The following CSTF3 variants were observed in gnomAD, a reference collection of about 807,000 sequenced individuals.
CSTF3 encodes the protein cleavage stimulation factor subunit 3, also known as CF-1 77 kDa subunit.
CSTF3 carries 29 observed loss-of-function variants against 105.8 expected under a neutral mutation model. The ratio of observed to expected loss-of-function variants is 0.27; its 90% CI spans 0.20 to 0.37. The LOEUF (loss-of-function observed/expected upper bound fraction) is 0.37, where lower values mean the gene tolerates loss of function less well. Among genes scored for constraint, CSTF3 ranks in the 10% least tolerant of loss-of-function variants. The probability of loss-of-function intolerance (pLI) is 1.00; values close to 1 mark genes in which losing one functional copy is unlikely to be tolerated. For synonymous variants in CSTF3, 252 were observed against 281.9 expected, an observed-to-expected ratio of 0.89 and a Z score of 1.06; for missense variants, 357 against 879.3, an observed-to-expected ratio of 0.41 and a Z score of 7.51.
intron 1 of CSTF3, among the ~76,000 whole-genome samples, chr11:33,149,249 G>A (rs1257144478): frequency 6.6e-6 from 1 of 152,104 alleles, no homozygotes; most frequent in Non-Finnish European, 1.5e-5. Flanking sequence ...ATCACTAAAT[G>A]TTTTTTTCTG....
chr11:33,087,392 C>G (rs910996012), intron 17 of CSTF3, among the ~76,000 whole-genome samples: 1 of 152,146 alleles, frequency 6.6e-6, no homozygotes, highest in Non-Finnish European at 1.5e-5. Flanking sequence ...TGTTGCCAGG[C>G]AGGACATTTG....
At position 33,102,291 on chromosome 11, in the gene CSTF3, G is replaced by A. The variant is rs775992303; in HGVS notation, c.712C>T (p.Pro238Ser). The A allele has an allele frequency of 6.2e-7, 1 of 1,613,954 alleles. No homozygotes were observed. Among genetic ancestry groups the A allele is most frequent in the East Asian group, 2.2e-5 (1 of 44,874 alleles). The change falls in exon 10 of 21, where the codon CCT becomes TCT. Residue 238 changes from proline to serine, a missense_variant. By Grantham distance (74) the Pro-to-Ser change is moderately conservative. Coordinates refer to ENST00000323959, the MANE Select transcript of CSTF3 (RefSeq NM_001326.3). The stretch of plus-strand genomic sequence containing the variant: ...GCTTCTTGAGGAGTATTCTGAGGAG[G>A]CACCGAGGGAGCATTACGGTCCAAG... ...KGLDRNAPSV[P>S]PQNTPQEAQQ...
chr11:33,085,842 CA>C, intron 19 of CSTF3, 52 bp downstream of exon 19: 2 of 1,577,822 alleles, frequency 1.3e-6, no homozygotes, highest in Non-Finnish European at 1.7e-6. Flanking sequence ...ACTTTATACA[CA>C]ATTACTATGA....
intron 1 of CSTF3, among the ~76,000 whole-genome samples, chr11:33,159,383 G>A (rs965959918): frequency 2.0e-5 from 3 of 152,056 alleles, no homozygotes; most frequent in East Asian, 1.9e-4. Context: ...ATCACTTGAG[G>A]TCAGGAGTTC....
At chr11:33,148,732 CTT>C (rs1266082632) in intron 1 of CSTF3, among the ~76,000 whole-genome samples, 34 of 152,074 alleles carry the variant, frequency 2.2e-4, no homozygotes, top group Non-Finnish European at 3.8e-4. Context: ...TTGGTTGCTC[CTT>C]TGGTGCCACA....
chr11:33,106,134 A>G (rs1472860322), intron 5 of CSTF3, 70 bp from the exon 6 acceptor site: 1 of 1,185,410 alleles, frequency 8.4e-7, no homozygotes, highest in Non-Finnish European at 1.2e-6. Flanking sequence ...ATTAGGCCAG[A>G]CATGGTGGCT....
At chr11:33,086,468 G>A (rs187763209) in intron 18 of CSTF3, among the ~76,000 whole-genome samples, 1,842 of 149,020 alleles carry the variant, frequency 0.012, 14 homozygotes, top group Middle Eastern at 0.021. Flanking sequence ...ACAGAGTGTC[G>A]CTCTTGTTGC....
intron 3 of CSTF3, chr11:33,134,597 CTAATG>C (rs1855633673): frequency 6.6e-6 from 1 of 152,084 alleles, no homozygotes; most frequent in Admixed American, 6.6e-5. Context: ...AAAATTTAGT[CTAATG>C]TAATTCTAAA....
intron 5 of CSTF3, 79 bp from the exon 6 acceptor site, chr11:33,106,143 C>T (rs1179685708): frequency 3.7e-6 from 4 of 1,078,694 alleles, no homozygotes; most frequent in Non-Finnish European, 5.6e-6. Flanking sequence ...GACATGGTGG[C>T]TCATGCCTGT....
intron 5 of CSTF3, 68 bp downstream of exon 5, chr11:33,107,835 T>C (rs928580741): frequency 2.3e-6 from 2 of 851,170 alleles, no homozygotes; most frequent in Non-Finnish European, 3.8e-6. Context: ...ACAGAAGGTG[T>C]GAGTTTATGT....
chr11:33,120,593 T>TAGTC (rs1855476275), intron 3 of CSTF3, among the ~76,000 whole-genome samples: 1 of 151,902 alleles, frequency 6.6e-6, no homozygotes. Flanking sequence ...ATTTTCTCAG[T>TAGTC]AGTCCATCTA....
chr11:33,148,557 G>A (rs1326943594), intron 1 of CSTF3, among the ~76,000 whole-genome samples: 3 of 152,140 alleles, frequency 2.0e-5, no homozygotes, highest in African/African-American at 7.2e-5. Flanking sequence ...ATTAGCAGGC[G>A]TGGTGGTATG....
rs1412927070 is a variant in CSTF3, at chr11:33,135,566, C to T, written c.225+6101G>A. Among the ~76,000 whole-genome samples, 5 of 152,186 alleles carry T rather than the reference C, an allele frequency of 3.3e-5. No individual in the cohort carries two copies. The East Asian group carries it at 9.7e-4, about 29-fold the overall frequency. On this transcript the variant is annotated intron_variant, in intron 3 of 20. Transcript: ENST00000323959. ...CAGTGAAGTTTGTAAACTTTGGCTC[C>T]AGGGATAACAATGTCTTGATTTAGT...
chr11:33,096,387 T>G lies in CSTF3; in HGVS notation c.1294A>C (p.Ile432Leu). 1 of 1,600,652 alleles carries G rather than the reference T, an allele frequency of 6.2e-7. No homozygotes were observed. The highest frequency in any genetic ancestry group is 8.5e-7 in the Non-Finnish European group (1 of 1,176,802). Reference protein sequence around the residue: ...CSKDKSVAFKIFELGLKKYGD... With the variant: ...CSKDKSVAFKLFELGLKKYGD... ...TATTTTTTTAGCCCCAGCTCAAAAATCTTAAAGGCAACAGATTTGTCCTAC... is the reference window on the plus strand; with the variant it reads ...TATTTTTTTAGCCCCAGCTCAAAAAGCTTAAAGGCAACAGATTTGTCCTAC... Residue 432 changes from isoleucine to leucine, a missense_variant, in exon 15 of 21, where the codon ATT becomes CTT. This residue lies in a region of CSTF3 where 206 missense variants were observed against 576.5 expected (regional missense o/e 0.36). Coordinates refer to ENST00000323959, the MANE Select transcript of CSTF3 (RefSeq NM_001326.3).
intron 1 of CSTF3, among the ~76,000 whole-genome samples, chr11:33,147,594 T>G (rs1855800980): frequency 6.6e-6 from 1 of 151,668 alleles, no homozygotes; most frequent in African/African-American, 2.4e-5. Flanking sequence ...AAAAAGAAAT[T>G]TTACGTAAAC....
intron 13 of CSTF3, among the ~76,000 whole-genome samples, chr11:33,097,853 G>A (rs2133773311): frequency 6.6e-6 from 1 of 152,242 alleles, no homozygotes; most frequent in South Asian, 2.1e-4. Flanking sequence ...AATTAGTAGG[G>A]TCCTGGTTTG....
intron 4 of CSTF3, 73 bp from the exon 5 acceptor site, chr11:33,108,073 T>A: frequency 1.1e-6 from 1 of 917,762 alleles, no homozygotes; most frequent in Non-Finnish European, 1.6e-6. Flanking sequence ...AATGGAACAT[T>A]AAAAACACAA....
At chr11:33,093,307 T>C (rs1855187263) in intron 15 of CSTF3, among the ~76,000 whole-genome samples, 1 of 152,214 alleles carries the variant, frequency 6.6e-6, no homozygotes, top group African/African-American at 2.4e-5. Context: ...TTCTGTTTTA[T>C]CCCAAGCTTT....
chr11:33,135,451 T>C (rs1855643828), intron 3 of CSTF3, among the ~76,000 whole-genome samples: 1 of 152,140 alleles, frequency 6.6e-6, no homozygotes, highest in Non-Finnish European at 1.5e-5. Context: ...ACACATACCA[T>C]ATGTCCATCC....
Sources: allele counts gnomAD v4.1 joint callset (sites outside exome capture counted in the v4.1 genomes callset), GRCh38; gene constraint gnomAD v4.1.1; regional missense constraint gnomAD v4.1.1; transcripts MANE v1.5; gene names NCBI Gene and HGNC (gene_info 2026-07-23, HGNC 2026-07-21).